Variants in LTBP2 observed in about 807,000 individuals in gnomAD.
LTBP2 encodes latent transforming growth factor beta binding protein 2.
Under a neutral mutation model 210.6 loss-of-function variants are expected in LTBP2, and 103 were observed. The ratio of observed to expected loss-of-function variants is 0.49; its 90% CI spans 0.42 to 0.58. The LOEUF (loss-of-function observed/expected upper bound fraction) is 0.58, where lower values mean the gene tolerates loss of function less well. LTBP2 is among the 20% of genes least tolerant of loss of function. The probability of loss-of-function intolerance (pLI) is 0.00; values close to 1 mark genes in which losing one functional copy is unlikely to be tolerated. For synonymous variants in LTBP2, 1,007 were observed against 1,015.0 expected (o/e 0.99, Z 0.15); for missense variants, 2,313 against 2,494.5 (o/e 0.93, Z 1.55).
intron 1 of LTBP2, among the ~76,000 whole-genome samples, chr14:74,609,987 G>A (rs572639636): frequency 6.6e-6 from 1 of 152,346 alleles, no homozygotes; most frequent in African/African-American, 2.4e-5. Context: ...ATGTGTAAGC[G>A]ACTTGGCAGT....
intron 20 of LTBP2, 55 bp downstream of exon 20, chr14:74,510,036 G>T: frequency 6.2e-7 from 1 of 1,613,468 alleles, no homozygotes; most frequent in Non-Finnish European, 8.5e-7. Flanking sequence ...GCAGAGGGGA[G>T]GGAGCCACAA....
chr14:74,542,142 C>T (rs1236603490), intron 8 of LTBP2, among the ~76,000 whole-genome samples: 1 of 152,194 alleles, frequency 6.6e-6, no homozygotes, highest in Non-Finnish European at 1.5e-5. Flanking sequence ...ATCACAAATG[C>T]CCATGAAGCA....
chr14:74,600,367 C>A (rs143519359), intron 2 of LTBP2, among the ~76,000 whole-genome samples: 2 of 152,128 alleles, frequency 1.3e-5, no homozygotes, highest in African/African-American at 4.8e-5. Context: ...CAGGGTGAGA[C>A]GGCCAGGGAG....
Position 74,586,072 on chromosome 14 carries a change from C to G in LTBP2, c.612G>C (p.Pro204=). Residue 204 remains proline (P), a synonymous_variant, in exon 3 of 36, where the codon CCG becomes CCC. Transcript: ENST00000261978. The surrounding 1 kb of genome is among the most constrained non-coding windows in gnomAD (Gnocchi z 4.6). ...AACCAGAGCGGCAGACACAGAGCTG[C>G]GGGCGGCTGCAGGAGCCCCGGTTCT... is the stretch of plus-strand genomic sequence containing the variant. ...PCQNRGSCSR[P]QLCVCRSGFR... 1 of 1,600,298 alleles carries G rather than the reference C, an allele frequency of 6.2e-7. No individual in the cohort carries two copies. Among genetic ancestry groups the G allele is most frequent in the Non-Finnish European group, 8.5e-7 (1 of 1,173,918 alleles).
intron 2 of LTBP2, among the ~76,000 whole-genome samples, chr14:74,587,332 G>A: frequency 6.6e-6 from 1 of 152,120 alleles, no homozygotes; most frequent in East Asian, 1.9e-4. Flanking sequence ...GTCGAGTAAA[G>A]GACACCAACA....
intron 13 of LTBP2, 146 bp downstream of exon 13, chr14:74,527,201 T>C: frequency 9.8e-7 from 1 of 1,025,484 alleles, no homozygotes; most frequent in Non-Finnish European, 1.5e-6. Context: ...TCCTCCCACT[T>C]GGTCATCTCT....
intron 8 of LTBP2, among the ~76,000 whole-genome samples, chr14:74,549,493 C>T (rs1595268719): frequency 6.6e-6 from 1 of 152,162 alleles, no homozygotes; most frequent in Admixed American, 6.5e-5. Flanking sequence ...GCCTGGGGGC[C>T]CCATCAGGGA....
At chr14:74,552,053 G>T (rs2087665240) in intron 6 of LTBP2, 134 bp downstream of exon 6, 2 of 819,582 alleles carry the variant, frequency 2.4e-6, no homozygotes. Flanking sequence ...TGAGGGCCAG[G>T]AGAAAGAGGG....
At position 74,509,356 on chromosome 14, in the gene LTBP2, A is replaced by G. The variant is rs773005015; in HGVS notation, c.3285T>C (p.Asp1095=). 9 of 1,613,274 alleles carry G rather than the reference A, an allele frequency of 5.6e-6. No homozygotes were observed. Among genetic ancestry groups the G allele is most frequent in the Non-Finnish European group, 5.9e-6 (7 of 1,179,960 alleles). Residue 1095 remains aspartate (D), a synonymous_variant, in exon 22 of 36, where the codon GAT becomes GAC. Transcript: ENST00000261978. ...NEDGTACEDL[D]ECAFPGVCPS... ...GGCAGACTCCCGGGAAGGCACACTC[A>G]TCTAGGTCTGCAGACAGACAGCGCT...
At chr14:74,574,635 G>A (rs1175905173) in intron 3 of LTBP2, among the ~76,000 whole-genome samples, 1 of 152,186 alleles carries the variant, frequency 6.6e-6, no homozygotes, top group Non-Finnish European at 1.5e-5. Flanking sequence ...TCACCGAACT[G>A]TAGGCTCTGG....
intron 3 of LTBP2, among the ~76,000 whole-genome samples, chr14:74,561,885 A>G (rs1266446444): frequency 6.6e-6 from 1 of 152,120 alleles, no homozygotes; most frequent in Non-Finnish European, 1.5e-5. Flanking sequence ...TAACAGACCC[A>G]AAATGAGGAG....
At position 74,500,887 on chromosome 14, in the gene LTBP2, C is replaced by T; in HGVS notation, c.5463G>A (p.Glu1821=). 6 of 1,614,058 alleles carry T rather than the reference C, an allele frequency of 3.7e-6. No individual in the cohort carries two copies. The highest frequency in any genetic ancestry group is 3.4e-6 in the Non-Finnish European group (4 of 1,180,020). Residue 1821 remains glutamate, a synonymous_variant, in exon 36 of 36, where the codon GAG becomes GAA. Transcript: ENST00000261978. Reference sequence around the variant, plus strand: ...TTGCCACACTGACCCCTGACTGCTACTCCTTGGCAGTGCAGTGGGGGGGCC... The same window carrying T: ...TTGCCACACTGACCCCTGACTGCTATTCCTTGGCAGTGCAGTGGGGGGGCC... ...EAGPPHCTAK[E]
chr14:74,565,302 C>T (rs992084523), intron 3 of LTBP2, among the ~76,000 whole-genome samples: 2 of 152,096 alleles, frequency 1.3e-5, no homozygotes, highest in Non-Finnish European at 2.9e-5. Context: ...TCAAGTCACT[C>T]GTGGTCTTCA....
chr14:74,527,227 CAG>C, intron 13 of LTBP2, 118 bp downstream of exon 13: 1 of 1,279,950 alleles, frequency 7.8e-7, no homozygotes, highest in Non-Finnish European at 1.1e-6. Context: ...TAAAATCTAA[CAG>C]ATACTCCATC....
At chr14:74,570,695 A>C (rs1789714320) in intron 3 of LTBP2, among the ~76,000 whole-genome samples, 1 of 152,200 alleles carries the variant, frequency 6.6e-6, no homozygotes, top group African/African-American at 2.4e-5. Flanking sequence ...CCCATTTTAC[A>C]GAAGAGAAAA....
intron 3 of LTBP2, among the ~76,000 whole-genome samples, chr14:74,567,194 G>T (rs987094364): frequency 1.3e-5 from 2 of 152,196 alleles, no homozygotes; most frequent in African/African-American, 4.8e-5. Context: ...GGGCAGCCCT[G>T]AAGTAGGTGC....
chr14:74,519,021 A>G (rs2087169671), intron 17 of LTBP2, among the ~76,000 whole-genome samples: 2 of 152,256 alleles, frequency 1.3e-5, no homozygotes, highest in Non-Finnish European at 2.9e-5. Context: ...AGACGTGAAT[A>G]GAGAAAGACC....
rs1315557082 is a variant in LTBP2, at chr14:74,504,094, C to A, written c.4454-40G>T. On this transcript the variant is annotated intron_variant, in intron 30 of 35. Transcript: ENST00000261978. ...GCTGAGGTGAGAGGAAGGTGAGAGG[C>A]AGTATGAGGGGTACCTAGAGCAGGG... is the stretch of plus-strand genomic sequence containing the variant. 2.5e-6 allele frequency: 4 copies of A among 1,609,844 alleles called. No individual in the cohort carries two copies. The South Asian group carries it at 4.4e-5, about 18-fold the overall frequency.
intron 8 of LTBP2, among the ~76,000 whole-genome samples, chr14:74,546,364 T>C (rs1023859492): frequency 7.9e-5 from 12 of 152,070 alleles, no homozygotes; most frequent in African/African-American, 2.7e-4. Context: ...CATCCCCACT[T>C]AAAGAAATGT....
Sources: allele counts gnomAD v4.1 joint callset (sites outside exome capture counted in the v4.1 genomes callset), GRCh38; gene constraint gnomAD v4.1.1; non-coding constraint Gnocchi (gnomAD v3.1); transcripts MANE v1.5; gene names NCBI Gene and HGNC (gene_info 2026-07-23, HGNC 2026-07-21).